COL5A1: variants seen among roughly 807,000 people sequenced by gnomAD.
COL5A1 encodes collagen alpha-1(V) chain.
COL5A1 carries 16 observed loss-of-function variants against 263.7 expected under a neutral mutation model. The observed-to-expected ratio is 0.06, with a 90% confidence interval of 0.04 to 0.09. The LOEUF is 0.09. Among genes scored for constraint, COL5A1 ranks in the 10% least tolerant of loss-of-function variants. The probability of loss-of-function intolerance (pLI) is 1.00; values close to 1 mark genes in which losing one functional copy is unlikely to be tolerated. For synonymous variants in COL5A1, 1,012 were observed against 1,004.5 expected (o/e 1.01, Z -0.14); for missense variants, 2,036 against 2,540.5 (o/e 0.80, Z 4.27).
chr9:134,707,368 A>G (rs1485459286), intron 4 of COL5A1, among the ~76,000 whole-genome samples: 1 of 152,122 alleles, frequency 6.6e-6, no homozygotes, highest in Non-Finnish European at 1.5e-5. Flanking sequence ...GTCTGCCTTC[A>G]TTTCAGCCTT....
At position 134,774,870 on chromosome 9, in the gene COL5A1, C is replaced by T. The variant is rs1384349031; in HGVS notation, c.2343C>T (p.Gly781=). The change falls in exon 27 of 66, where the codon GGC becomes GGT. Residue 781 remains glycine (G), a synonymous_variant. Coordinates refer to ENST00000371817, the MANE Select transcript of COL5A1 (RefSeq NM_000093.5). ...PGEKGGQGPP[G]PQGPIGYPGP... ...CTGTTTGGTTTTAGGGTCCACCTGG[C>T]CCCCAGGGTCCGATTGGCTACCCAG... 1.9e-6 allele frequency: 3 copies of T among 1,613,618 alleles called. No homozygotes were observed. The highest frequency in any genetic ancestry group is 1.7e-6 in the Non-Finnish European group (2 of 1,179,832).
intron 37 of COL5A1, 103 bp from the exon 38 acceptor site, chr9:134,801,851 G>T (rs1251030368): frequency 3.0e-6 from 3 of 1,004,204 alleles, no homozygotes; most frequent in South Asian, 2.5e-5. Flanking sequence ...CATCTACTCT[G>T]GGGGGAAGGG....
In COL5A1 at chr9:134,765,602, C is replaced by T; in HGVS notation, c.2035-79C>T. 1 of 1,330,432 alleles carries T rather than the reference C, an allele frequency of 7.5e-7. No individual in the cohort carries two copies. The highest frequency in any genetic ancestry group is 1.1e-6 in the Non-Finnish European group (1 of 924,394). 82.4% of individuals were successfully genotyped at this position (1,330,432 alleles called of 1,614,324 possible). A position where few individuals can be genotyped will look rare whatever the true frequency, so the allele number is the denominator to read the frequency against. On this transcript the variant is annotated intron_variant, in intron 20 of 65. Coordinates refer to ENST00000371817, the MANE Select transcript of COL5A1 (RefSeq NM_000093.5). The surrounding 1 kb of genome is among the most constrained non-coding windows in gnomAD (Gnocchi z 5.1). ...GCTGGGGTTCTGGGTGGAGTCAGGG[C>T]CAAGTGGGCATAGGGGACAGAGAGG...
intron 1 of COL5A1, among the ~76,000 whole-genome samples, chr9:134,659,563 T>G (rs1832136760): frequency 6.6e-6 from 1 of 151,960 alleles, no homozygotes; most frequent in Admixed American, 6.6e-5. Flanking sequence ...TTCTTTGGGG[T>G]CTTCATCCCT....
At chr9:134,650,369 G>C (rs1421632665) in intron 1 of COL5A1, among the ~76,000 whole-genome samples, 1 of 152,156 alleles carries the variant, frequency 6.6e-6, no homozygotes, top group Admixed American at 6.5e-5. Context: ...TCTTTCCCGT[G>C]TGTGGGTACA....
At chr9:134,811,461 T>G (rs766852485) in intron 45 of COL5A1, 31 bp from the exon 46 acceptor site, 9 of 1,612,560 alleles carry the variant, frequency 5.6e-6, no homozygotes, top group South Asian at 1.1e-5. Context: ...ATTGCCAGCA[T>G]CCTCACCCAT....
rs112879535 is a variant in COL5A1, at chr9:134,834,056, C to T, written c.5137-915C>T. On this transcript the variant is annotated intron_variant, in intron 64 of 65. Coordinates refer to ENST00000371817, the MANE Select transcript of COL5A1 (RefSeq NM_000093.5). The stretch of plus-strand genomic sequence containing the variant: ...GAGTGTCCCAGGCCGAGGGAGGAGC[C>T]GTGCAGTGGCTCAGGGGCAGAAGGA... 4.0e-3 allele frequency among the ~76,000 whole-genome samples: 605 copies of T among 152,218 alleles called. 3 individuals are homozygous for T. The highest frequency in any genetic ancestry group is 0.013 in the African/African-American group (557 of 41,554).
intron 18 of COL5A1, among the ~76,000 whole-genome samples, chr9:134,760,343 C>A (rs12682742): frequency 0.57 from 37,408 of 65,834 alleles, 11,482 homozygotes; most frequent in East Asian, 0.84. Context: ...GCACACACAC[C>A]CCCACACACC....
intron 4 of COL5A1, among the ~76,000 whole-genome samples, chr9:134,709,631 C>T (rs977068105): frequency 6.6e-6 from 1 of 152,202 alleles, no homozygotes; most frequent in Non-Finnish European, 1.5e-5. Flanking sequence ...CTGCCTCTTC[C>T]CATGTGCTGT....
rs1452828925 is a variant in COL5A1 at position 134,700,653 on chromosome 9, C to T, written c.492-518C>T. Among the ~76,000 whole-genome samples the T allele has an allele frequency of 3.3e-5, 5 of 152,210 alleles. No homozygotes were observed. The highest frequency in any genetic ancestry group is 1.9e-4 in the East Asian group (1 of 5,194). ...TTCAATACATGATTTCTGAATTCTT[C>T]GCCAAGACTTTCAGACAGATCCACT... is the stretch of plus-strand genomic sequence containing the variant. On this transcript the variant is annotated intron_variant, in intron 3 of 65. Transcript: ENST00000371817. The surrounding 1 kb of genome is among the most constrained non-coding windows in gnomAD (Gnocchi z 4.0).
chr9:134,722,709 T>G (rs1834508085), intron 4 of COL5A1, among the ~76,000 whole-genome samples: 1 of 152,158 alleles, frequency 6.6e-6, no homozygotes, highest in Admixed American at 6.5e-5. Context: ...GATCCAGAAG[T>G]CATGTTGCTT....
Position 134,837,617 on chromosome 9 carries a change from A to G in COL5A1, c.5370+2413A>G, listed in dbSNP as rs551917711. ...CCTGGCTCCACCTGCATCCTGGGAT[A>G]GGGTCAAGCTGGGATCATTTAAATT... On this transcript the variant is annotated intron_variant, in intron 65 of 65. Transcript: ENST00000371817. Among the ~76,000 whole-genome samples, 756 of 151,832 alleles carry G rather than the reference A, an allele frequency of 5.0e-3. 6 individuals carry two copies. The highest frequency in any genetic ancestry group is 8.3e-3 in the Non-Finnish European group (565 of 67,964).
At chr9:134,781,170 A>T (rs1253121573) in intron 28 of COL5A1, among the ~76,000 whole-genome samples, 1 of 152,264 alleles carries the variant, frequency 6.6e-6, no homozygotes, top group African/African-American at 2.4e-5. Flanking sequence ...CAACTGGATC[A>T]GAAATGATGT....
intron 24 of COL5A1, 112 bp downstream of exon 24, chr9:134,767,466 C>A: frequency 2.0e-6 from 2 of 1,004,240 alleles, no homozygotes; most frequent in Non-Finnish European, 3.1e-6. Flanking sequence ...TATCTTGGTG[C>A]TCCCAAGAGA....
At chr9:134,727,731 C>T (rs1045375420) in intron 5 of COL5A1, among the ~76,000 whole-genome samples, 1 of 152,168 alleles carries the variant, frequency 6.6e-6, no homozygotes, top group Non-Finnish European at 1.5e-5. Flanking sequence ...CCCATGGACT[C>T]GATCCACTGG....
chr9:134,685,440 ATTGTCCATCAT>A (rs1275463049), intron 1 of COL5A1, among the ~76,000 whole-genome samples: 73 of 2,894 alleles, frequency 0.025, no homozygotes, highest in Non-Finnish European at 0.028. Flanking sequence ...CCATCCATCC[ATTGTCCATCAT>A]CCATCCATCC....
intron 1 of COL5A1, among the ~76,000 whole-genome samples, chr9:134,656,619 A>ACCAGGTGC (rs1831982645): frequency 6.6e-6 from 1 of 152,104 alleles, no homozygotes; most frequent in South Asian, 2.1e-4. Context: ...CAGTGCAAGC[A>ACCAGGTGC]CCAGGTGCAC....
chr9:134,808,640 G>T (rs1308007982), intron 42 of COL5A1, among the ~76,000 whole-genome samples: 2 of 152,204 alleles, frequency 1.3e-5, no homozygotes, highest in African/African-American at 2.4e-5. Context: ...GCATGTGCAT[G>T]CATGCATACC....
At chr9:134,804,168 A>C (rs1838210806) in intron 39 of COL5A1, among the ~76,000 whole-genome samples, 1 of 152,194 alleles carries the variant, frequency 6.6e-6, no homozygotes, top group Non-Finnish European at 1.5e-5. Context: ...GCATGTAGAT[A>C]TAGGAATAAA....
Sources: gnomAD v4.1 joint callset for allele counts (sites outside exome capture counted in the v4.1 genomes callset) on GRCh38, gnomAD v4.1.1 for gene constraint, Gnocchi (gnomAD v3.1) non-coding constraint, MANE v1.5 for transcripts, NCBI Gene and HGNC (gene_info 2026-07-23, HGNC 2026-07-21) for gene names.